DGKB: variants seen among roughly 807,000 people sequenced by gnomAD.
DGKB encodes the protein 90 kDa diacylglycerol kinase.
In DGKB, 67 loss-of-function variants were observed where a neutral mutation model predicts 114.3. The observed-to-expected ratio is 0.59, with a 90% CI of 0.48 to 0.72. DGKB has a LOEUF of 0.72. Ranked by LOEUF, DGKB falls within the 30% of genes least tolerant of loss-of-function variation. DGKB has a pLI of 0.00. For missense variants in DGKB, 907 were observed against 975.2 expected (o/e 0.93, Z 0.93); for synonymous variants, 398 against 323.1 (o/e 1.23, Z -2.49).
intron 2 of DGKB, among the ~76,000 whole-genome samples, chr7:14,814,760 G>A (rs552741087): frequency 3.4e-4 from 51 of 150,146 alleles, no homozygotes; most frequent in African/African-American, 1.3e-3. Context: ...TGCTTAAGGT[G>A]CTTGTAAATG....
intron 23 of DGKB, among the ~76,000 whole-genome samples, chr7:14,276,520 A>G (rs921556068): frequency 2.0e-5 from 3 of 152,136 alleles, no homozygotes; most frequent in African/African-American, 7.2e-5. Context: ...GTTCTGCAAT[A>G]TTATATATAC....
intron 23 of DGKB, among the ~76,000 whole-genome samples, chr7:14,338,060 A>G (rs1383443580): frequency 6.6e-6 from 1 of 152,120 alleles, no homozygotes; most frequent in African/African-American, 2.4e-5. Context: ...TCTGTTATAT[A>G]TGGTACTTAG....
At chr7:14,932,333 G>T (rs150501202) in intron 1 of DGKB, among the ~76,000 whole-genome samples, 1 of 152,098 alleles carries the variant, frequency 6.6e-6, no homozygotes, top group African/African-American at 2.4e-5. Flanking sequence ...TCCCATGTTT[G>T]CTCTTTGATA....
chr7:14,647,481 T>A (rs1369726107), intron 13 of DGKB, among the ~76,000 whole-genome samples: 2 of 152,222 alleles, frequency 1.3e-5, no homozygotes, highest in South Asian at 4.1e-4. Context: ...ATTCACTTTA[T>A]AAGTACAGCA....
At chr7:14,521,740 TTAA>T (rs1354861294) in intron 20 of DGKB, among the ~76,000 whole-genome samples, 1 of 152,196 alleles carries the variant, frequency 6.6e-6, no homozygotes, top group Non-Finnish European at 1.5e-5. Flanking sequence ...CATCTATGTT[TTAA>T]CATCTGGGAA....
intron 2 of DGKB, among the ~76,000 whole-genome samples, chr7:14,796,704 T>G (rs1220262347): frequency 7.3e-6 from 1 of 137,180 alleles, no homozygotes; most frequent in Admixed American, 7.2e-5. Context: ...AAAAAAAAAG[T>G]ATTTGCTTAT....
intron 5 of DGKB, among the ~76,000 whole-genome samples, chr7:14,729,161 T>A (rs183619161): frequency 2.1e-5 from 3 of 144,848 alleles, no homozygotes; most frequent in South Asian, 4.4e-4. Flanking sequence ...CTCACTCTGT[T>A]GCCCAGGCTG....
intron 15 of DGKB, among the ~76,000 whole-genome samples, chr7:14,619,128 T>C (rs1296450007): frequency 6.6e-6 from 1 of 151,516 alleles, no homozygotes; most frequent in Non-Finnish European, 1.5e-5. Flanking sequence ...CTTTTGCACA[T>C]GATTATATAC....
chr7:14,324,319 C>T (rs188015990), intron 23 of DGKB, among the ~76,000 whole-genome samples: 434 of 151,752 alleles, frequency 2.9e-3, no homozygotes, highest in Non-Finnish European at 4.0e-3. Flanking sequence ...TGGTGGCATG[C>T]GCCTATAATC....
At chr7:14,783,277 A>G (rs938712288) in intron 2 of DGKB, among the ~76,000 whole-genome samples, 2 of 152,244 alleles carry the variant, frequency 1.3e-5, no homozygotes, top group African/African-American at 4.8e-5. Flanking sequence ...AATATGGCTC[A>G]TTCTTATACC....
At chr7:14,658,559 T>C (rs987242927) in intron 13 of DGKB, among the ~76,000 whole-genome samples, 6 of 151,882 alleles carry the variant, frequency 4.0e-5, no homozygotes, top group African/African-American at 1.2e-4. Flanking sequence ...TCAAAATAGC[T>C]GGAAGAGAGG....
At chr7:14,751,839 A>G (rs1834168725) in intron 4 of DGKB, among the ~76,000 whole-genome samples, 1 of 152,242 alleles carries the variant, frequency 6.6e-6, no homozygotes, top group East Asian at 1.9e-4. Flanking sequence ...TGTTGGTGGT[A>G]TATCTCCAAT....
At chr7:14,419,712 C>T (rs1045616936) in intron 21 of DGKB, among the ~76,000 whole-genome samples, 9 of 151,676 alleles carry the variant, frequency 5.9e-5, no homozygotes, top group African/African-American at 1.9e-4. Context: ...AACAATCTTA[C>T]GAGACATAGA....
intron 13 of DGKB, among the ~76,000 whole-genome samples, chr7:14,663,779 T>C (rs1387093062): frequency 1.3e-5 from 2 of 148,442 alleles, no homozygotes; most frequent in Non-Finnish European, 3.0e-5. Flanking sequence ...TCCTCTTTTC[T>C]AAAACTTTTA....
intron 21 of DGKB, among the ~76,000 whole-genome samples, chr7:14,451,277 G>A (rs1831440231): frequency 6.6e-6 from 1 of 152,008 alleles, no homozygotes; most frequent in African/African-American, 2.4e-5. Flanking sequence ...CTCATCTAAT[G>A]TGTTGAATGT....
rs1045313024 is a variant in DGKB, at chr7:14,547,520, T to C, written c.1770+26692A>G. 3.3e-5 allele frequency among the ~76,000 whole-genome samples: 5 copies of C among 152,174 alleles called. No homozygotes were observed. In the South Asian group the frequency reaches 1.0e-3, roughly 32 times the overall value. On this transcript the variant is annotated intron_variant, in intron 20 of 25. Transcript: ENST00000402815. Reference sequence around the variant, plus strand: ...GAATAATATTACACTTGGGCTAATATGGTTTTGTAAGTTAATTATAGACTA... The same window carrying C: ...GAATAATATTACACTTGGGCTAATACGGTTTTGTAAGTTAATTATAGACTA...
chr7:14,349,208 A>T (rs1813012738), intron 21 of DGKB, among the ~76,000 whole-genome samples: 1 of 152,098 alleles, frequency 6.6e-6, no homozygotes, highest in South Asian at 2.1e-4. Context: ...AATGAGGTAG[A>T]ATCAATAGGA....
Position 14,338,631 on chromosome 7 carries a change from C to T in DGKB, c.2006G>A (p.Gly669Glu). ...AILNIPSMHGGSNLWGESKKR... is the reference protein window; with the variant it reads ...AILNIPSMHGESNLWGESKKR... ...CTTAGACTCTCCCCAAAGATTGGAT[C>T]CTCCATGCATGCTTGGTATATTCAA... The change falls in exon 23 of 26, where the codon GGA becomes GAA. Residue 669 changes from glycine to glutamate, a missense_variant. By Grantham distance (98) the Gly-to-Glu change is moderately conservative. This residue lies in a region of DGKB where 814 missense variants were observed against 856.6 expected (regional missense o/e 0.95). Transcript: ENST00000402815. 1 of 1,608,990 alleles carries T rather than the reference C, an allele frequency of 6.2e-7. No homozygotes were observed. Among genetic ancestry groups the T allele is most frequent in the East Asian group, 2.2e-5 (1 of 44,666 alleles).
chr7:14,739,841 C>T (rs1832295806), intron 4 of DGKB, among the ~76,000 whole-genome samples: 1 of 152,176 alleles, frequency 6.6e-6, no homozygotes, highest in African/African-American at 2.4e-5. Flanking sequence ...GTAATGGCAC[C>T]TATCTTTTCT....
Sources: gnomAD v4.1 joint callset for allele counts (sites outside exome capture counted in the v4.1 genomes callset) on GRCh38, gnomAD v4.1.1 for gene constraint, gnomAD v4.1.1 regional missense constraint, MANE v1.5 for transcripts, NCBI Gene and HGNC (gene_info 2026-07-23, HGNC 2026-07-21) for gene names.